BMPR2: variants seen among roughly 807,000 people sequenced by gnomAD.
BMPR2 encodes the protein bone morphogenetic protein receptor type 2.
Under a neutral mutation model 100.8 loss-of-function variants are expected in BMPR2, and 29 were observed. The observed-to-expected ratio is 0.29, with a 90% CI of 0.21 to 0.39. The LOEUF is 0.39. Ranked by LOEUF, BMPR2 falls within the 10% of genes least tolerant of loss-of-function variation. The pLI, the probability that BMPR2 is intolerant of heterozygous loss-of-function variation, is 1.00. For synonymous variants in BMPR2, 382 were observed against 442.3 expected, an observed-to-expected ratio of 0.86 and a Z score of 1.71; for missense variants, 1,011 against 1,274.5, an observed-to-expected ratio of 0.79 and a Z score of 3.15.
intron 3 of BMPR2, among the ~76,000 whole-genome samples, chr2:202,494,132 A>G (rs1396197459): frequency 1.3e-5 from 2 of 152,242 alleles, no homozygotes. Flanking sequence ...ATTGAGCTCC[A>G]CAATAAATCA....
intron 9 of BMPR2, among the ~76,000 whole-genome samples, chr2:202,540,052 A>C (rs1282692817): frequency 6.6e-6 from 1 of 152,164 alleles, no homozygotes; most frequent in Non-Finnish European, 1.5e-5. Flanking sequence ...ACAAGTTTCT[A>C]TTGAACAATT....
At chr2:202,409,173 T>C (rs1476655051) in intron 1 of BMPR2, among the ~76,000 whole-genome samples, 1 of 152,074 alleles carries the variant, frequency 6.6e-6, no homozygotes, top group African/African-American at 2.4e-5. Flanking sequence ...GGCGAAACCT[T>C]GTCTCTATAA....
intron 1 of BMPR2, among the ~76,000 whole-genome samples, chr2:202,383,818 T>G (rs1574419065): frequency 6.6e-6 from 1 of 151,532 alleles, no homozygotes; most frequent in Admixed American, 6.6e-5. Context: ...ACCACTGCAC[T>G]CCAGCCTGGG....
rs1469426912 is a variant in BMPR2, at chr2:202,530,679, G to A, written c.968-115G>A. 6 of 927,920 alleles carry A rather than the reference G, an allele frequency of 6.5e-6. No homozygotes were observed. The East Asian group carries it at 1.6e-4, about 25-fold the overall frequency. 57.5% of individuals were successfully genotyped at this position (927,920 alleles called of 1,614,324 possible). Reference sequence around the variant, plus strand: ...TTGAAATTCCGATTTCTCTTTTTTTGTTATTAGAAAATTAATGGGCAGAAA... The same window carrying A: ...TTGAAATTCCGATTTCTCTTTTTTTATTATTAGAAAATTAATGGGCAGAAA... On this transcript the variant is annotated intron_variant, in intron 7 of 12. Transcript: ENST00000374580.
chr2:202,434,865 G>A (rs2105933675), intron 1 of BMPR2, among the ~76,000 whole-genome samples: 1 of 97,394 alleles, frequency 1.0e-5, no homozygotes, highest in African/African-American at 4.6e-5. Context: ...TGGTGACACA[G>A]TGAGACTCTG....
intron 1 of BMPR2, among the ~76,000 whole-genome samples, chr2:202,380,060 G>C (rs1690244292): frequency 6.6e-6 from 1 of 151,830 alleles, no homozygotes; most frequent in African/African-American, 2.4e-5. Context: ...GTGGAGACGG[G>C]GTTTCACCAT....
chr2:202,527,941 T>C (rs1407645929), intron 7 of BMPR2, among the ~76,000 whole-genome samples: 2 of 151,996 alleles, frequency 1.3e-5, no homozygotes, highest in East Asian at 3.9e-4. Flanking sequence ...CCCAGCACTT[T>C]AGGAGGCTGA....
intron 5 of BMPR2, among the ~76,000 whole-genome samples, chr2:202,516,486 G>A (rs1171901936): frequency 1.3e-5 from 2 of 152,120 alleles, no homozygotes; most frequent in African/African-American, 2.4e-5. Flanking sequence ...CAAGTCATGG[G>A]CAACATGGTG....
At chr2:202,492,722 A>C (rs1228313723) in intron 3 of BMPR2, among the ~76,000 whole-genome samples, 2 of 148,332 alleles carry the variant, frequency 1.3e-5, no homozygotes, top group Admixed American at 6.7e-5. Flanking sequence ...AAAAAAAAAA[A>C]ACCAAAAAAA....
rs547046877 is a variant in BMPR2, at chr2:202,444,271, G to A, written c.77-20538G>A. ...AAATTATTGCTAAATAATTCTCAGG[G>A]CAGGTTTTTCTAAGTGAATTTGAAC... On this transcript the variant is annotated intron_variant, in intron 1 of 12. Transcript: ENST00000374580. Among the ~76,000 whole-genome samples the A allele has an allele frequency of 1.1e-3, 161 of 150,708 alleles. 2 individuals are homozygous for A. Among genetic ancestry groups the A allele is most frequent in the Middle Eastern group, 3.4e-3 (1 of 294 alleles).
At position 202,542,298 on chromosome 2, in the gene BMPR2, T is replaced by A; in HGVS notation, c.1277-13T>A. On this transcript the variant is annotated splice_polypyrimidine_tract_variant and intron_variant, in intron 9 of 12. Coordinates refer to ENST00000374580, the MANE Select transcript of BMPR2 (RefSeq NM_001204.7). Reference sequence around the variant, plus strand: ...GAAATTTTATTCTGTCATTCTTTTCTACAAATCCACAGGGGAATCCGTACC... The same window carrying A: ...GAAATTTTATTCTGTCATTCTTTTCAACAAATCCACAGGGGAATCCGTACC... 6.2e-7 allele frequency: 1 copy of A among 1,613,656 alleles called. No homozygotes were observed. Among genetic ancestry groups the A allele is most frequent in the Non-Finnish European group, 8.5e-7 (1 of 1,179,682 alleles).
At chr2:202,517,339 T>TA in intron 5 of BMPR2, among the ~76,000 whole-genome samples, 1 of 150,634 alleles carries the variant, frequency 6.6e-6, no homozygotes, top group East Asian at 1.9e-4. Flanking sequence ...TTTTATCTTT[T>TA]TTTTTTTTTT....
intron 10 of BMPR2, among the ~76,000 whole-genome samples, chr2:202,549,314 T>TATG (rs1390578431): frequency 6.6e-6 from 1 of 152,178 alleles, no homozygotes; most frequent in Non-Finnish European, 1.5e-5. Flanking sequence ...ATTGTATGCA[T>TATG]ATGATACAGT....
intron 1 of BMPR2, among the ~76,000 whole-genome samples, chr2:202,396,860 C>T (rs1039960591): frequency 7.2e-5 from 11 of 151,988 alleles, no homozygotes; most frequent in African/African-American, 2.7e-4. Flanking sequence ...TGCAGTGGCG[C>T]GATCTCGGCT....
intron 1 of BMPR2, among the ~76,000 whole-genome samples, chr2:202,418,452 C>T (rs970603057): frequency 2.0e-5 from 3 of 152,198 alleles, no homozygotes; most frequent in Non-Finnish European, 4.4e-5. Flanking sequence ...GAGATTTATT[C>T]TGAGCCAAAT....
At chr2:202,531,038 C>T in intron 8 of BMPR2, 84 bp downstream of exon 8, 17 of 1,529,340 alleles carry the variant, frequency 1.1e-5, no homozygotes, top group Non-Finnish European at 1.4e-5. Context: ...TGTGGTGGCT[C>T]ACGCCTGTAA....
intron 3 of BMPR2, among the ~76,000 whole-genome samples, chr2:202,483,467 C>T (rs570679644): frequency 2.6e-5 from 4 of 151,812 alleles, no homozygotes; most frequent in Admixed American, 1.3e-4. Context: ...CTGCAATCTC[C>T]GCCCCCCACC....
intron 3 of BMPR2, among the ~76,000 whole-genome samples, chr2:202,497,103 C>T (rs1340807448): frequency 3.3e-5 from 5 of 152,236 alleles, no homozygotes; most frequent in Admixed American, 6.5e-5. Flanking sequence ...GCCAGCCAAC[C>T]GGCACTGCTC....
intron 1 of BMPR2, among the ~76,000 whole-genome samples, chr2:202,417,717 C>CTT (rs796968681): frequency 6.9e-6 from 1 of 144,964 alleles, no homozygotes; most frequent in African/African-American, 2.5e-5. Context: ...TTCTATATTC[C>CTT]TTTTTTTTTT....
Sources: gnomAD v4.1 joint callset for allele counts (sites outside exome capture counted in the v4.1 genomes callset) on GRCh38, gnomAD v4.1.1 for gene constraint, MANE v1.5 for transcripts, NCBI Gene and HGNC (gene_info 2026-07-23, HGNC 2026-07-21) for gene names.